Variants in HMCN1 observed in about 807,000 individuals in gnomAD.
HMCN1 encodes hemicentin-1.
In HMCN1, 321 loss-of-function variants were observed where a neutral mutation model predicts 625.9. That is an observed-to-expected ratio of 0.51 (90% CI 0.47 to 0.56). HMCN1 has a LOEUF of 0.56. HMCN1 is among the 20% of genes least tolerant of loss of function. The probability of loss-of-function intolerance (pLI) is 0.00; values close to 1 mark genes in which losing one functional copy is unlikely to be tolerated. For synonymous variants in HMCN1, 2,425 were observed against 2,417.6 expected (o/e 1.00, Z -0.09); for missense variants, 6,588 against 6,887.3 (o/e 0.96, Z 1.54).
intron 14 of HMCN1, among the ~76,000 whole-genome samples, chr1:185,967,001 A>C (rs1354810840): frequency 6.6e-6 from 1 of 152,154 alleles, no homozygotes; most frequent in Non-Finnish European, 1.5e-5. Flanking sequence ...TTGCTCCTTA[A>C]TCAGGTTTAT....
At chr1:186,110,826 G>A (rs759136371) in intron 71 of HMCN1, among the ~76,000 whole-genome samples, 4 of 151,906 alleles carry the variant, frequency 2.6e-5, no homozygotes, top group Non-Finnish European at 4.4e-5. Context: ...CATACCCAAG[G>A]TGGGGGAAGG....
At chr1:185,908,783 A>C (rs907516507) in intron 4 of HMCN1, among the ~76,000 whole-genome samples, 1 of 150,134 alleles carries the variant, frequency 6.7e-6, no homozygotes, top group African/African-American at 2.4e-5. Context: ...TCTTTTAGTG[A>C]CATTGCAATT....
chr1:185,984,950 A>G (rs1220920782), intron 19 of HMCN1, among the ~76,000 whole-genome samples: 1 of 149,574 alleles, frequency 6.7e-6, no homozygotes, highest in Non-Finnish European at 1.5e-5. Flanking sequence ...TAAAAAAAAC[A>G]AAAAAAACCA....
intron 19 of HMCN1, among the ~76,000 whole-genome samples, chr1:185,987,133 CAA>C (rs551639173): frequency 9.6e-5 from 12 of 124,530 alleles, no homozygotes; most frequent in Admixed American, 8.1e-5. Context: ...GGGTTTCCAG[CAA>C]AAAAAAAAAA....
chr1:185,734,815 G>C lies in HMCN1; in HGVS notation c.36G>C (p.Leu12=), dbSNP rs76631922. ...GGGAAGTTGTCCATACAGTATTCCT[G>C]TTTGCTCTTCTTTATTCTTCCCTAG... ...ISWEVVHTVF[L]FALLYSSLAQ... is the part of the protein sequence containing the mutation. The change falls in exon 1 of 107, where the codon CTG becomes CTC. Residue 12 remains leucine (L), a synonymous_variant. Transcript: ENST00000271588. 3.5e-4 allele frequency: 561 copies of C among 1,614,088 alleles called. 3 individuals carry two copies. The East Asian group carries it at 0.012, about 34-fold the overall frequency.
At chr1:186,025,493 T>C (rs898840804) in intron 36 of HMCN1, among the ~76,000 whole-genome samples, 2 of 152,196 alleles carry the variant, frequency 1.3e-5, no homozygotes, top group African/African-American at 4.8e-5. Flanking sequence ...TGTGAGCCCG[T>C]GTTTGGAAAA....
At chr1:185,780,706 T>G (rs4593772) in intron 1 of HMCN1, among the ~76,000 whole-genome samples, 34,990 of 152,206 alleles carry the variant, frequency 0.23, 4,407 homozygotes, top group Non-Finnish European at 0.28. Flanking sequence ...GCCCACTTGA[T>G]TGTGGTGGAT....
At chr1:185,953,041 C>A (rs551117162) in intron 11 of HMCN1, among the ~76,000 whole-genome samples, 2 of 151,146 alleles carry the variant, frequency 1.3e-5, no homozygotes, top group Non-Finnish European at 1.5e-5. Context: ...CCTAGAAAAG[C>A]GGGACTTGCC....
At chr1:185,952,345 A>T (rs1490319225) in intron 11 of HMCN1, among the ~76,000 whole-genome samples, 3 of 150,894 alleles carry the variant, frequency 2.0e-5, no homozygotes, top group East Asian at 2.0e-4. Flanking sequence ...CTCGGCCTGG[A>T]GAGGAGCAGC....
At chr1:185,955,849 C>T (rs142828142) in intron 11 of HMCN1, among the ~76,000 whole-genome samples, 93 of 152,166 alleles carry the variant, frequency 6.1e-4, no homozygotes, top group African/African-American at 2.1e-3. Context: ...TTCATCCTTC[C>T]GTGATTTGTC....
chr1:186,113,677 T>C (rs1027325611), intron 72 of HMCN1, among the ~76,000 whole-genome samples: 4 of 152,344 alleles, frequency 2.6e-5, no homozygotes, highest in Middle Eastern at 3.4e-3. Context: ...AGAAATATCA[T>C]CTTTAATTTG....
intron 1 of HMCN1, among the ~76,000 whole-genome samples, chr1:185,795,821 T>C (rs1261398767): frequency 6.6e-6 from 1 of 152,244 alleles, no homozygotes; most frequent in African/African-American, 2.4e-5. Context: ...CCAAGTATCA[T>C]GTCTCTCTTG....
At chr1:185,869,044 C>T (rs1424286163) in intron 4 of HMCN1, among the ~76,000 whole-genome samples, 1 of 152,176 alleles carries the variant, frequency 6.6e-6, no homozygotes, top group Non-Finnish European at 1.5e-5. Flanking sequence ...TTCTAACCAC[C>T]TCACCAATTG....
chr1:186,125,764 A>G lies in HMCN1; in HGVS notation c.12660A>G (p.Pro4220=). The change falls in exon 82 of 107, where the codon CCA becomes CCG. Residue 4220 remains proline (P), a synonymous_variant. Coordinates refer to ENST00000271588, the MANE Select transcript of HMCN1 (RefSeq NM_031935.3). ...TGTTAGGAAAATACACTGCTGAACC[A>G]TATGGAGAACTCATTTTAGAAAATG... is the stretch of plus-strand genomic sequence containing the variant. ...ANLLGKYTAE[P]YGELILENVV... The G allele has an allele frequency of 6.2e-7, 1 of 1,613,318 alleles. No individual in the cohort carries two copies. Among genetic ancestry groups the G allele is most frequent in the Non-Finnish European group, 8.5e-7 (1 of 1,179,376 alleles).
chr1:186,123,690 A>G (rs1661508434), intron 81 of HMCN1, among the ~76,000 whole-genome samples: 1 of 152,208 alleles, frequency 6.6e-6, no homozygotes, highest in East Asian at 1.9e-4. Flanking sequence ...ACAGAAAAAT[A>G]TCTTTGTATT....
At chr1:186,105,389 G>T (rs551704467) in intron 69 of HMCN1, among the ~76,000 whole-genome samples, 6 of 152,266 alleles carry the variant, frequency 3.9e-5, no homozygotes, top group African/African-American at 1.4e-4. Context: ...TCTCAACTTT[G>T]TTTTTTCGTG....
chr1:185,846,209 C>G (rs1377848482), intron 2 of HMCN1, 113 bp downstream of exon 2: 1 of 756,318 alleles, frequency 1.3e-6, no homozygotes, highest in Non-Finnish European at 2.3e-6. Flanking sequence ...TTAAGGGACC[C>G]AATAATTGCC....
rs1290923047 is a variant in HMCN1, at chr1:185,989,446, C to A, written c.3049-42C>A. 4 of 1,609,444 alleles carry A rather than the reference C, an allele frequency of 2.5e-6. No individual in the cohort carries two copies. In the African/African-American group the frequency reaches 4.1e-5, roughly 16 times the overall value. On this transcript the variant is annotated intron_variant, in intron 20 of 106. Transcript: ENST00000271588. ...CACTCTTTTATAATCTTGAAACAAA[C>A]AAACAAACAAAAAACCCTTTGCTTT... is the stretch of plus-strand genomic sequence containing the variant.
intron 11 of HMCN1, among the ~76,000 whole-genome samples, chr1:185,954,098 G>C (rs1036860923): frequency 6.6e-6 from 1 of 151,898 alleles, no homozygotes; most frequent in African/African-American, 2.4e-5. Flanking sequence ...CATCAGTTAA[G>C]GTGGGGCAGG....
Sources: gnomAD v4.1 joint callset for allele counts (sites outside exome capture counted in the v4.1 genomes callset) on GRCh38, gnomAD v4.1.1 for gene constraint, MANE v1.5 for transcripts, NCBI Gene and HGNC (gene_info 2026-07-23, HGNC 2026-07-21) for gene names.